Variants in PTBP2 observed in about 807,000 individuals in gnomAD.
The protein encoded by PTBP2 is polypyrimidine tract binding protein 2.
PTBP2 carries 13 observed loss-of-function variants against 61.4 expected under a neutral mutation model. The observed-to-expected ratio is 0.21, with a 90% CI of 0.14 to 0.34. PTBP2 has a LOEUF of 0.34. Among genes scored for constraint, PTBP2 ranks in the 10% least tolerant of loss-of-function variants. The pLI, the probability that PTBP2 is intolerant of heterozygous loss-of-function variation, is 1.00. For synonymous variants in PTBP2, 215 were observed against 218.5 expected (o/e 0.98, Z 0.14); for missense variants, 405 against 642.6 (o/e 0.63, Z 4.00).
intron 2 of PTBP2, among the ~76,000 whole-genome samples, chr1:96,739,750 A>C (rs1003851708): frequency 6.7e-6 from 1 of 149,038 alleles, no homozygotes; most frequent in African/African-American, 2.5e-5. Context: ...AGTAGCTGGG[A>C]CTACAGGCGC....
intron 1 of PTBP2, among the ~76,000 whole-genome samples, chr1:96,722,571 A>G (rs1031472343): frequency 6.6e-6 from 1 of 152,210 alleles, no homozygotes; most frequent in African/African-American, 2.4e-5. Flanking sequence ...AAAACATTCA[A>G]GGCTTGGCAA....
intron 2 of PTBP2, among the ~76,000 whole-genome samples, chr1:96,745,977 A>C (rs1653694205): frequency 6.6e-6 from 1 of 151,930 alleles, no homozygotes; most frequent in Non-Finnish European, 1.5e-5. Flanking sequence ...GAGACAGGAG[A>C]ATCGCTTGAA....
intron 2 of PTBP2, among the ~76,000 whole-genome samples, chr1:96,737,550 C>T (rs1327571370): frequency 6.6e-6 from 1 of 152,028 alleles, no homozygotes; most frequent in African/African-American, 2.4e-5. Context: ...TGTTTAGAGC[C>T]TTTAAGGGCA....
chr1:96,774,836 A>G (rs890067125), intron 5 of PTBP2, among the ~76,000 whole-genome samples: 5 of 152,176 alleles, frequency 3.3e-5, no homozygotes, highest in Middle Eastern at 3.4e-3. Context: ...TGAGCTTACT[A>G]CTTTTTGTCT....
At chr1:96,723,543 C>A in intron 1 of PTBP2, 21 bp from the exon 2 acceptor site, 1 of 1,566,446 alleles carries the variant, frequency 6.4e-7, no homozygotes. Context: ...GAGGTTGAAA[C>A]TACTTATTTT....
chr1:96,778,377 C>G (rs1658277804), intron 7 of PTBP2, among the ~76,000 whole-genome samples: 1 of 111,944 alleles, frequency 8.9e-6, no homozygotes, highest in Admixed American at 8.9e-5. Flanking sequence ...TATATATTCT[C>G]TTTAATGTCT....
intron 2 of PTBP2, among the ~76,000 whole-genome samples, chr1:96,748,463 G>C (rs1459264643): frequency 6.6e-6 from 1 of 151,878 alleles, no homozygotes; most frequent in Non-Finnish European, 1.5e-5. Flanking sequence ...TTCTTTCTCT[G>C]ACGTGTAGAG....
intron 8 of PTBP2, among the ~76,000 whole-genome samples, chr1:96,797,912 C>CT (rs1660554349): frequency 1.3e-5 from 2 of 152,078 alleles, no homozygotes; most frequent in Non-Finnish European, 2.9e-5. Context: ...GCTGACTATA[C>CT]TTTAAGAATT....
At chr1:96,806,845 C>A in intron 10 of PTBP2, 21 bp from the exon 11 acceptor site, 1 of 1,583,206 alleles carries the variant, frequency 6.3e-7, no homozygotes, top group Non-Finnish European at 8.6e-7. Flanking sequence ...TTTGGATTAC[C>A]TCTCTGTGGC....
chr1:96,772,830 G>A (rs2101022292), intron 5 of PTBP2, among the ~76,000 whole-genome samples: 1 of 151,924 alleles, frequency 6.6e-6, no homozygotes, highest in African/African-American at 2.4e-5. Flanking sequence ...ATAAAGCTGG[G>A]GGCTGGGCTT....
chr1:96,756,340 A>G (rs1353570740), intron 3 of PTBP2, among the ~76,000 whole-genome samples: 4 of 152,206 alleles, frequency 2.6e-5, no homozygotes, highest in Admixed American at 1.3e-4. Flanking sequence ...TGGAGGTTGC[A>G]GTGAGCCAGG....
intron 2 of PTBP2, among the ~76,000 whole-genome samples, chr1:96,743,131 GA>G (rs1431682127): frequency 3.3e-5 from 5 of 151,836 alleles, no homozygotes; most frequent in South Asian, 4.2e-4. Context: ...CTAAAAATAC[GA>G]AAAAATTAGC....
Position 96,813,477 on chromosome 1 carries a change from T to C in PTBP2, c.*72T>C. On this transcript the variant is annotated 3_prime_UTR_variant, in exon 14 of 14. Transcript: ENST00000674951. Reference sequence around the variant, plus strand: ...TCACCTATTTGACTGTTCAGAAAAGTGGGGACCAGAGTTTGATTTTTTTTG... The same window carrying C: ...TCACCTATTTGACTGTTCAGAAAAGCGGGGACCAGAGTTTGATTTTTTTTG... The C allele has an allele frequency of 7.5e-7, 1 of 1,338,298 alleles. No individual in the cohort carries two copies. Among genetic ancestry groups the C allele is most frequent in the Non-Finnish European group, 9.9e-7 (1 of 1,012,720 alleles). 82.9% of individuals were successfully genotyped at this position (1,338,298 alleles called of 1,614,324 possible). A position where few individuals can be genotyped will look rare whatever the true frequency, so the allele number is the denominator to read the frequency against.
chr1:96,737,190 T>A (rs1428414648), intron 2 of PTBP2, among the ~76,000 whole-genome samples: 1 of 152,034 alleles, frequency 6.6e-6, no homozygotes, highest in Non-Finnish European at 1.5e-5. Context: ...ATGGTCTCGA[T>A]CTCCTGACCT....
intron 2 of PTBP2, among the ~76,000 whole-genome samples, chr1:96,740,717 T>C (rs1399051459): frequency 6.6e-6 from 1 of 152,146 alleles, no homozygotes; most frequent in Non-Finnish European, 1.5e-5. Flanking sequence ...GTTTAAACTA[T>C]AGATGTACTA....
chr1:96,807,552 C>G (rs1661618757), intron 11 of PTBP2, among the ~76,000 whole-genome samples: 1 of 152,122 alleles, frequency 6.6e-6, no homozygotes, highest in Non-Finnish European at 1.5e-5. Flanking sequence ...ACATTCACAC[C>G]AGTGATTGAC....
rs1209300848 is a variant in PTBP2 at position 96,751,409 on chromosome 1, G to GT, written c.40-11dup. 6.3e-7 allele frequency: 1 copy of GT among 1,596,120 alleles called. No individual in the cohort carries two copies. Among genetic ancestry groups the GT allele is most frequent in the African/African-American group, 1.3e-5 (1 of 74,528 alleles). ...ATTTAAAGATGTCTTATGCTAATTTGTTTTTGTTTTCATAGAGAGGATCTG... is the reference window on the plus strand; with the variant it reads ...ATTTAAAGATGTCTTATGCTAATTTGTTTTTTGTTTTCATAGAGAGGATCTG... On this transcript the variant is annotated splice_polypyrimidine_tract_variant and intron_variant, in intron 2 of 13. Transcript: ENST00000674951.
chr1:96,754,846 G>C (rs1448247392), intron 3 of PTBP2, among the ~76,000 whole-genome samples: 1 of 152,074 alleles, frequency 6.6e-6, no homozygotes, highest in Non-Finnish European at 1.5e-5. Context: ...CACTGCATAT[G>C]AAAATTAACT....
At chr1:96,753,663 A>G (rs1346765504) in intron 3 of PTBP2, among the ~76,000 whole-genome samples, 2 of 152,198 alleles carry the variant, frequency 1.3e-5, no homozygotes, top group African/African-American at 2.4e-5. Context: ...GACAAGGACG[A>G]TAAGTATTTT....
Sources: allele counts gnomAD v4.1 joint callset (sites outside exome capture counted in the v4.1 genomes callset), GRCh38; gene constraint gnomAD v4.1.1; transcripts MANE v1.5; gene names NCBI Gene and HGNC (gene_info 2026-07-23, HGNC 2026-07-21).